The following ACOT8 variants were observed in gnomAD, a reference collection of about 807,000 sequenced individuals.
ACOT8 encodes the protein acyl-coenzyme A thioesterase 8.
Under a neutral mutation model 38.4 loss-of-function variants are expected in ACOT8, and 31 were observed. The observed-to-expected ratio is 0.81, with a 90% CI of 0.61 to 1.09. ACOT8 has a LOEUF of 1.09. Among genes scored for constraint, ACOT8 ranks in the 50% least tolerant of loss-of-function variants. The pLI is 0.00. For missense variants in ACOT8, 373 were observed against 421.8 expected, an observed-to-expected ratio of 0.88 and a Z score of 1.01; for synonymous variants, 158 against 170.3, an observed-to-expected ratio of 0.93 and a Z score of 0.56.
chr20:45,855,243 C>G lies in ACOT8; in HGVS notation c.178G>C (p.Val60Leu), dbSNP rs753837428. 6.2e-7 allele frequency: 1 copy of G among 1,614,024 alleles called. No individual in the cohort carries two copies. The highest frequency in any genetic ancestry group is 8.5e-7 in the Non-Finnish European group (1 of 1,180,034). Residue 60 changes from valine (V) to leucine (L), a missense_variant, in exon 2 of 6, where the codon GTG (valine) becomes CTG (leucine). By Grantham distance (32) the Val-to-Leu change is conservative (BLOSUM62 1). Transcript: ENST00000217455. ...GCTGCAGCCACCAGGGCCTGGCCCA[C>G]GATCTGACCACCAAACAGCCTCTTG... ...PAKRLFGGQIVGQALVAAAKS... is the reference protein window; with the variant it reads ...PAKRLFGGQILGQALVAAAKS...
chr20:45,844,534 G>A, intron 3 of ACOT8, 114 bp from the exon 4 acceptor site: 1 of 1,249,844 alleles, frequency 8.0e-7, no homozygotes. Context: ...TATCCCCAAA[G>A]CTCCCCTCCC....
Position 45,844,331 on chromosome 20 carries a change from G to C in ACOT8, c.578C>G (p.Ser193Cys). 2 of 1,614,186 alleles carry C rather than the reference G, an allele frequency of 1.2e-6. No individual in the cohort carries two copies. The highest frequency in any genetic ancestry group is 1.1e-5 in the South Asian group (1 of 91,084). Residue 193 changes from serine to cysteine, a missense_variant, in exon 4 of 6, where the codon TCC (serine) becomes TGC (cysteine). Coordinates refer to ENST00000217455, the MANE Select transcript of ACOT8 (RefSeq NM_005469.4). The part of the protein sequence containing the change: ...VPIEIKPVNP[S>C]PLSQLQRMEP... ...CATTCTCTGCAGCTGGCTCAGGGGG[G>C]ATGGGTTTACTGGCTTGATCTCAAT...
At chr20:45,856,249 G>T (rs555404807) in intron 1 of ACOT8, among the ~76,000 whole-genome samples, 21 of 152,202 alleles carry the variant, frequency 1.4e-4, no homozygotes, top group Non-Finnish European at 2.5e-4. Context: ...GGACAACAGG[G>T]CCAGATCTTG....
At chr20:45,851,483 G>A (rs961983981) in intron 2 of ACOT8, among the ~76,000 whole-genome samples, 1 of 152,190 alleles carries the variant, frequency 6.6e-6, no homozygotes, top group African/African-American at 2.4e-5. Flanking sequence ...GTGTGAATGA[G>A]TTCCAGCCCT....
chr20:45,844,540 C>CA lies in ACOT8; in HGVS notation c.489-121_489-120insT, dbSNP rs372975981. On this transcript the variant is annotated intron_variant, in intron 3 of 5. Coordinates refer to ENST00000217455, the MANE Select transcript of ACOT8 (RefSeq NM_005469.4). Reference sequence around the variant, plus strand: ...GACCCCTGATATCCCCAAAGCTCCCCTCCCCTGTGGCAGGCAGGATAGTGC... The same window carrying CA: ...GACCCCTGATATCCCCAAAGCTCCCCATCCCCTGTGGCAGGCAGGATAGTGC... 9.2e-6 allele frequency: 11 copies of CA among 1,199,402 alleles called. No individual in the cohort carries two copies. The African/African-American group carries it at 1.6e-4, about 18-fold the overall frequency. 74.3% of individuals were successfully genotyped at this position (1,199,402 alleles called of 1,614,324 possible). A position where few individuals can be genotyped will look rare whatever the true frequency, so the allele number is the denominator to read the frequency against.
chr20:45,852,000 G>GT (rs1985094401), intron 2 of ACOT8, among the ~76,000 whole-genome samples: 1 of 148,836 alleles, frequency 6.7e-6, no homozygotes, highest in Non-Finnish European at 1.5e-5. Context: ...TTTTTGTTTT[G>GT]TTTTTTTGAG....
chr20:45,843,384 T>C (rs1326561135), intron 5 of ACOT8, 143 bp downstream of exon 5: 9 of 1,100,440 alleles, frequency 8.2e-6, no homozygotes, highest in Non-Finnish European at 1.2e-5. Context: ...ATTTTGAAGA[T>C]GAAGATGCCA....
Position 45,841,737 on chromosome 20 carries a change from T to C in ACOT8, c.*101A>G. The C allele has an allele frequency of 6.9e-7, 1 of 1,441,636 alleles. No individual in the cohort carries two copies. The highest frequency in any genetic ancestry group is 9.1e-7 in the Non-Finnish European group (1 of 1,103,648). The allele number at this position is 1,441,636 out of a possible 1,614,324, so 89.3% of individuals were successfully genotyped here. A position where few individuals can be genotyped will look rare whatever the true frequency, so the allele number is the denominator to read the frequency against. On this transcript the variant is annotated 3_prime_UTR_variant, in exon 6 of 6. Transcript: ENST00000217455. The stretch of plus-strand genomic sequence containing the variant: ...GCCAGCCACTCCAGTGGTATCAGTC[T>C]CTTTATTGGATGTGAGGGCCAAAAG...
chr20:45,842,866 G>T (rs1198069124), intron 5 of ACOT8: 11 of 997,142 alleles, frequency 1.1e-5, no homozygotes, highest in Non-Finnish European at 1.3e-5. Context: ...CTTGAGTTTT[G>T]TCCTTGGTTT....
intron 5 of ACOT8, chr20:45,842,786 C>G: frequency 8.1e-6 from 8 of 990,662 alleles, no homozygotes; most frequent in Non-Finnish European, 9.6e-6. Context: ...GTCCTCACTT[C>G]AAGGTTATCA....
chr20:45,854,311 A>G (rs891428304), intron 2 of ACOT8, among the ~76,000 whole-genome samples: 3 of 134,712 alleles, frequency 2.2e-5, no homozygotes, highest in Non-Finnish European at 3.4e-5. Flanking sequence ...CCGGGTTCAC[A>G]CCATTCTCCT....
chr20:45,848,372 A>G (rs1188740763), intron 3 of ACOT8, 78 bp downstream of exon 3: 1 of 1,276,258 alleles, frequency 7.8e-7, no homozygotes, highest in South Asian at 1.5e-5. Flanking sequence ...GTCAAGACCC[A>G]CTAAAGGATT....
chr20:45,854,236 G>GGCTGGAGTGCTCGCCCAC (rs1385396905), intron 2 of ACOT8, among the ~76,000 whole-genome samples: 33 of 151,858 alleles, frequency 2.2e-4, no homozygotes, highest in Non-Finnish European at 1.5e-4. Context: ...CTGTTGCCCA[G>GGCTGGAGTGCTCGCCCAC]GCTGGAGTGC....
chr20:45,854,045 A>G (rs1220546494), intron 2 of ACOT8: 13 of 1,162,276 alleles, frequency 1.1e-5, no homozygotes, highest in African/African-American at 1.6e-5. Context: ...TTTTTAGCAT[A>G]GGTTTTGCTT....
intron 2 of ACOT8, among the ~76,000 whole-genome samples, chr20:45,854,432 G>A (rs943502386): frequency 6.6e-6 from 1 of 152,058 alleles, no homozygotes; most frequent in Non-Finnish European, 1.5e-5. Context: ...GGATGGTCCC[G>A]ATCTCCTGAC....
rs775171214 is a variant in ACOT8 at position 45,855,234 on chromosome 20, C to T, written c.187G>A (p.Ala63Thr). Residue 63 changes from alanine (A) to threonine (T), a missense_variant, in exon 2 of 6, where the codon GCC (alanine) becomes ACC (threonine). By Grantham distance (58) the Ala-to-Thr change is moderately conservative. Coordinates refer to ENST00000217455, the MANE Select transcript of ACOT8 (RefSeq NM_005469.4). ...ACAGACTTGGCTGCAGCCACCAGGG[C>T]CTGGCCCACGATCTGACCACCAAAC... is the stretch of plus-strand genomic sequence containing the variant. ...RLFGGQIVGQ[A>T]LVAAAKSVSE... is the part of the protein sequence containing the mutation. 6.2e-7 allele frequency: 1 copy of T among 1,614,166 alleles called. No homozygotes were observed. Among genetic ancestry groups the T allele is most frequent in the South Asian group, 1.1e-5 (1 of 91,088 alleles).
At chr20:45,844,995 C>T (rs1273177039) in intron 3 of ACOT8, among the ~76,000 whole-genome samples, 1 of 152,192 alleles carries the variant, frequency 6.6e-6, no homozygotes, top group Non-Finnish European at 1.5e-5. Context: ...CAGCTCACTG[C>T]AGTCTCCAAC....
At chr20:45,842,574 ACT>A (rs1418422743) in intron 5 of ACOT8, 6 of 994,418 alleles carry the variant, frequency 6.0e-6, no homozygotes, top group South Asian at 4.5e-5. Context: ...CCATCTGGAG[ACT>A]CTTTCTCCCT....
chr20:45,846,585 C>T (rs1366322930), intron 3 of ACOT8, among the ~76,000 whole-genome samples: 1 of 152,146 alleles, frequency 6.6e-6, no homozygotes, highest in Non-Finnish European at 1.5e-5. Flanking sequence ...GAGATAGAGA[C>T]ATTCTCTCCT....
Sources: allele counts gnomAD v4.1 joint callset (sites outside exome capture counted in the v4.1 genomes callset), GRCh38; gene constraint gnomAD v4.1.1; transcripts MANE v1.5; gene names NCBI Gene and HGNC (gene_info 2026-07-23, HGNC 2026-07-21).